Variants in SUSD4 observed in about 807,000 individuals in gnomAD.
SUSD4 encodes the protein sushi domain containing 4.
SUSD4 carries 41 observed loss-of-function variants against 50.5 expected under a neutral mutation model. That is an observed-to-expected ratio of 0.81 (90% CI 0.63 to 1.05). The LOEUF (loss-of-function observed/expected upper bound fraction) is 1.05. SUSD4 is among the 50% of genes least tolerant of loss of function. SUSD4 has a pLI of 0.00. For synonymous variants in SUSD4, 257 were observed against 257.3 expected (o/e 1.00, Z 0.01); for missense variants, 580 against 634.7 (o/e 0.91, Z 0.93).
intron 4 of SUSD4, 24 bp downstream of exon 4, chr1:223,268,478 A>G: frequency 6.3e-7 from 1 of 1,599,400 alleles, no homozygotes; most frequent in Non-Finnish European, 8.5e-7. Flanking sequence ...AGCCCAGCTG[A>G]GAACTGAAGC....
At chr1:223,275,792 G>C (rs917152654) in intron 3 of SUSD4, among the ~76,000 whole-genome samples, 2 of 152,106 alleles carry the variant, frequency 1.3e-5, no homozygotes, top group Admixed American at 1.3e-4. Context: ...CTGCGTGACT[G>C]AATAGACTGA....
At chr1:223,287,642 C>T (rs1571979969) in intron 3 of SUSD4, among the ~76,000 whole-genome samples, 1 of 152,086 alleles carries the variant, frequency 6.6e-6, no homozygotes, top group Admixed American at 6.5e-5. Context: ...TTGTTTAAGA[C>T]TCTCACTTAA....
At chr1:223,360,553 G>A (rs371448919) in intron 2 of SUSD4, among the ~76,000 whole-genome samples, 1 of 152,182 alleles carries the variant, frequency 6.6e-6, no homozygotes, top group East Asian at 1.9e-4. Context: ...CTGAATCGGA[G>A]CTCTGGCTTT....
intron 2 of SUSD4, among the ~76,000 whole-genome samples, chr1:223,325,161 C>G (rs557898451): frequency 6.6e-6 from 1 of 152,158 alleles, no homozygotes; most frequent in Non-Finnish European, 1.5e-5. Flanking sequence ...TCTCTCCTGT[C>G]TTCCCCCAAA....
At chr1:223,233,914 A>C (rs1241247440) in intron 5 of SUSD4, among the ~76,000 whole-genome samples, 1 of 152,206 alleles carries the variant, frequency 6.6e-6, no homozygotes, top group Non-Finnish European at 1.5e-5. Context: ...CAGTGGTTAT[A>C]GGCAGAATCC....
chr1:223,260,029 C>G (rs1029615488), intron 5 of SUSD4, among the ~76,000 whole-genome samples: 3 of 152,130 alleles, frequency 2.0e-5, no homozygotes, highest in Non-Finnish European at 4.4e-5. Flanking sequence ...CTATTGGTCT[C>G]TGGGGAAAAT....
intron 5 of SUSD4, among the ~76,000 whole-genome samples, chr1:223,245,376 C>T (rs1000620746): frequency 2.0e-5 from 3 of 151,594 alleles, no homozygotes; most frequent in South Asian, 2.1e-4. Context: ...CAGGAATGCA[C>T]GATGCATAAA....
intron 2 of SUSD4, among the ~76,000 whole-genome samples, chr1:223,312,308 AG>A (rs1454584749): frequency 4.6e-5 from 7 of 152,346 alleles, no homozygotes; most frequent in Admixed American, 3.9e-4. Context: ...GTGGGCAAAT[AG>A]GACAGGCTGG....
At chr1:223,343,281 G>C (rs1420505686) in intron 2 of SUSD4, among the ~76,000 whole-genome samples, 2 of 152,094 alleles carry the variant, frequency 1.3e-5, no homozygotes, top group African/African-American at 4.8e-5. Context: ...CGCCCAGCTG[G>C]ACCAAGTGAG....
chr1:223,263,572 C>T, intron 5 of SUSD4: 1 of 985,294 alleles, frequency 1.0e-6, no homozygotes, highest in Non-Finnish European at 1.2e-6. Flanking sequence ...AGGAGTATGA[C>T]AAAACCAATG....
At chr1:223,362,822 T>A (rs1372473436) in intron 2 of SUSD4, among the ~76,000 whole-genome samples, 1 of 152,028 alleles carries the variant, frequency 6.6e-6, no homozygotes, top group Non-Finnish European at 1.5e-5. Context: ...CCCTTCACAT[T>A]CTCAAAGGTG....
rs1416424886 is a variant in SUSD4 at position 223,229,786 on chromosome 1, A to G, written c.725-398T>C. Among the ~76,000 whole-genome samples the G allele has an allele frequency of 2.0e-5, 3 of 152,254 alleles. No homozygotes were observed. The highest frequency in any genetic ancestry group is 7.2e-5 in the African/African-American group (3 of 41,470). ...CTTTACTGAAAGGCATAGTTATCCC[A>G]AGCCTGTTTCTGTGACCACAGTAGT... On this transcript the variant is annotated intron_variant, in intron 5 of 8. Transcript: ENST00000366878. This position sits in a 1 kb window ranked among gnomAD's most constrained non-coding sequence, Gnocchi z 4.7.
chr1:223,321,815 CAG>C (rs1666589216), intron 2 of SUSD4, among the ~76,000 whole-genome samples: 1 of 152,156 alleles, frequency 6.6e-6, no homozygotes, highest in African/African-American at 2.4e-5. Context: ...ATTTTTTAAA[CAG>C]ATCTGTGATA....
chr1:223,325,616 A>G (rs1218984703), intron 2 of SUSD4, among the ~76,000 whole-genome samples: 1 of 152,212 alleles, frequency 6.6e-6, no homozygotes, highest in Admixed American at 6.5e-5. Flanking sequence ...ATATATCTAG[A>G]AAACCCTGAA....
chr1:223,249,221 T>C (rs1661142764), intron 5 of SUSD4, among the ~76,000 whole-genome samples: 1 of 152,076 alleles, frequency 6.6e-6, no homozygotes. Context: ...GAATTTTTTG[T>C]AAGGGAAGGA....
chr1:223,362,940 A>G (rs867254724), intron 2 of SUSD4, among the ~76,000 whole-genome samples: 1 of 66,252 alleles, frequency 1.5e-5, no homozygotes, highest in Non-Finnish European at 3.0e-5. Context: ...CCCACCCCCC[A>G]CCCCTCCCCC....
At chr1:223,246,213 A>C (rs1660917188) in intron 5 of SUSD4, among the ~76,000 whole-genome samples, 1 of 152,146 alleles carries the variant, frequency 6.6e-6, no homozygotes, top group South Asian at 2.1e-4. Flanking sequence ...GGAAGCCGCG[A>C]GGGGAGACTG....
At chr1:223,336,103 GCCAC>G (rs1374747077) in intron 2 of SUSD4, among the ~76,000 whole-genome samples, 3 of 152,014 alleles carry the variant, frequency 2.0e-5, no homozygotes, top group Non-Finnish European at 4.4e-5. Context: ...ACAGGCATGC[GCCAC>G]CACGCCCAGC....
chr1:223,364,144 C>G lies in SUSD4; in HGVS notation c.-123G>C, dbSNP rs1386424071. The G allele has an allele frequency of 6.6e-6, 1 of 152,230 alleles. No homozygotes were observed. Among genetic ancestry groups the G allele is most frequent in the Admixed American group, 6.6e-5 (1 of 15,252 alleles). The allele number at this position is 152,230 out of a possible 1,614,324, so 9.4% of individuals were successfully genotyped here. A position where few individuals can be genotyped will look rare whatever the true frequency, so the allele number is the denominator to read the frequency against. ...CGCATCTGTGCGCGACCTCTGCTGC[C>G]GCCGCTGCGCGAGCGAGCGAGACGG... On this transcript the variant is annotated 5_prime_UTR_variant, in exon 1 of 9. Transcript: ENST00000366878. The surrounding 1 kb of genome is among the most constrained non-coding windows in gnomAD (Gnocchi z 4.5).
Sources: gnomAD v4.1 joint callset for allele counts (sites outside exome capture counted in the v4.1 genomes callset) on GRCh38, gnomAD v4.1.1 for gene constraint, Gnocchi (gnomAD v3.1) non-coding constraint, MANE v1.5 for transcripts, NCBI Gene and HGNC (gene_info 2026-07-23, HGNC 2026-07-21) for gene names.